The following GALNT18 variants were observed in gnomAD, a reference collection of about 807,000 sequenced individuals.
The protein encoded by GALNT18 is GalNAc-transferase 18.
GALNT18 carries 44 observed loss-of-function variants against 69.5 expected under a neutral mutation model. The observed-to-expected ratio is 0.63, with a 90% CI of 0.50 to 0.81. GALNT18 has a LOEUF of 0.81. GALNT18 is among the 40% of genes least tolerant of loss of function. The pLI, the probability that GALNT18 is intolerant of heterozygous loss-of-function variation, is 0.00. For missense variants in GALNT18, 715 were observed against 810.0 expected (o/e 0.88, Z 1.42); for synonymous variants, 364 against 318.2 (o/e 1.14, Z -1.53).
At chr11:11,391,876 T>A (rs1278311891) in intron 3 of GALNT18, among the ~76,000 whole-genome samples, 1 of 152,170 alleles carries the variant, frequency 6.6e-6, no homozygotes, top group Non-Finnish European at 1.5e-5. Flanking sequence ...ACCTAAGAGG[T>A]AAGGCCGGAG....
In GALNT18 at chr11:11,291,310, GAAGT is replaced by G. The variant is rs150698544; in HGVS notation, c.1677+1715_1677+1718del. Among the ~76,000 whole-genome samples the G allele has an allele frequency of 7.4e-3, 1,098 of 149,094 alleles. 8 individuals carry two copies. Among genetic ancestry groups the G allele is most frequent in the African/African-American group, 0.017 (720 of 41,392 alleles). Reference sequence around the variant, plus strand: ...ACTTCCGACATAGCTTCAGTGATGAGAAGTAAGAGAGAATTTGAACTATTTCATA... The same window carrying G: ...ACTTCCGACATAGCTTCAGTGATGAGAAGAGAGAATTTGAACTATTTCATA... On this transcript the variant is annotated intron_variant, in intron 10 of 10. Transcript: ENST00000227756.
intron 3 of GALNT18, among the ~76,000 whole-genome samples, chr11:11,395,308 A>G (rs1428838294): frequency 5.3e-5 from 8 of 152,222 alleles, no homozygotes; most frequent in Non-Finnish European, 1.0e-4. Context: ...GGAGCAGAGG[A>G]GCCAAGAGGA....
At position 11,270,940 on chromosome 11, in the gene GALNT18, C is replaced by T. The variant is rs1848812239; in HGVS notation, c.*204G>A. 2 of 466,112 alleles carry T rather than the reference C, an allele frequency of 4.3e-6. No individual in the cohort carries two copies. The highest frequency in any genetic ancestry group is 7.7e-6 in the Non-Finnish European group (2 of 261,392). The allele number at this position is 466,112 out of a possible 1,614,324, so 28.9% of individuals were successfully genotyped here. ...TCCATCTGTCCCCTATTTACAACTG[C>T]AAAATAGTTTGATATCATACCATCA... On this transcript the variant is annotated 3_prime_UTR_variant, in exon 11 of 11. Coordinates refer to ENST00000227756, the MANE Select transcript of GALNT18 (RefSeq NM_198516.3).
intron 1 of GALNT18, among the ~76,000 whole-genome samples, chr11:11,514,185 C>T (rs1465389305): frequency 2.6e-5 from 4 of 152,240 alleles, no homozygotes; most frequent in South Asian, 2.1e-4. Flanking sequence ...CATGAAGTCA[C>T]TTATCTAAGT....
intron 9 of GALNT18, among the ~76,000 whole-genome samples, chr11:11,307,606 G>T (rs1317809876): frequency 6.6e-6 from 1 of 152,266 alleles, no homozygotes; most frequent in East Asian, 1.9e-4. Context: ...TTCTTCAAGA[G>T]GAAAGAAGGA....
intron 9 of GALNT18, among the ~76,000 whole-genome samples, chr11:11,307,080 C>T (rs1193479987): frequency 6.6e-6 from 1 of 152,150 alleles, no homozygotes; most frequent in African/African-American, 2.4e-5. Flanking sequence ...ACTAGCTGAG[C>T]AGCAGTTGAC....
chr11:11,459,035 T>C lies in GALNT18; in HGVS notation c.236-10099A>G, dbSNP rs1416546526. ...CGGCACATCATAGCGGTACTCTTCT[T>C]ATATCCAGCAAAGCAAGATGTTATG... On this transcript the variant is annotated intron_variant, in intron 1 of 10. Coordinates refer to ENST00000227756, the MANE Select transcript of GALNT18 (RefSeq NM_198516.3). This position sits in a 1 kb window ranked among gnomAD's most constrained non-coding sequence, Gnocchi z 5.0. Among the ~76,000 whole-genome samples, 1 of 152,180 alleles carries C rather than the reference T, an allele frequency of 6.6e-6. No individual in the cohort carries two copies. Among genetic ancestry groups the C allele is most frequent in the Non-Finnish European group, 1.5e-5 (1 of 68,028 alleles).
intron 9 of GALNT18, among the ~76,000 whole-genome samples, chr11:11,312,047 C>T (rs1338286994): frequency 2.0e-5 from 3 of 152,190 alleles, no homozygotes; most frequent in African/African-American, 7.2e-5. Context: ...AGCTCTACCT[C>T]CCGGGTTCAC....
intron 3 of GALNT18, among the ~76,000 whole-genome samples, chr11:11,429,073 A>AT (rs1441821704): frequency 6.6e-6 from 1 of 152,090 alleles, no homozygotes; most frequent in African/African-American, 2.4e-5. Flanking sequence ...CCTGCTCTTT[A>AT]TCTTCATCTG....
At chr11:11,384,082 T>C (rs1853991877) in intron 3 of GALNT18, among the ~76,000 whole-genome samples, 1 of 152,138 alleles carries the variant, frequency 6.6e-6, no homozygotes, top group African/African-American at 2.4e-5. Context: ...GACTTGATCA[T>C]ACCTCAACAA....
Position 11,382,320 on chromosome 11 carries a change from TTTTCATGTTTTC to T in GALNT18, c.596-3068_596-3057del, listed in dbSNP as rs1243837208. Among the ~76,000 whole-genome samples the T allele has an allele frequency of 6.6e-6, 1 of 152,176 alleles. No individual in the cohort carries two copies. The highest frequency in any genetic ancestry group is 1.5e-5 in the Non-Finnish European group (1 of 68,028). On this transcript the variant is annotated intron_variant, in intron 3 of 10. Transcript: ENST00000227756. This position sits in a 1 kb window ranked among gnomAD's most constrained non-coding sequence, Gnocchi z 4.3. ...TGCAAAGTACCTTTACTTAATTAGG[TTTTCATGTTTTC>T]TTTCAATCTTTGTTAAGTGCCAAAG...
intron 1 of GALNT18, among the ~76,000 whole-genome samples, chr11:11,495,007 C>T (rs1856842963): frequency 6.7e-6 from 1 of 150,374 alleles, no homozygotes; most frequent in Non-Finnish European, 1.5e-5. Flanking sequence ...CTGGTTTTGC[C>T]TAGGGAAGGG....
intron 1 of GALNT18, among the ~76,000 whole-genome samples, chr11:11,521,137 C>A (rs1395853390): frequency 1.3e-5 from 2 of 151,656 alleles, no homozygotes; most frequent in African/African-American, 4.9e-5. Context: ...TTCCTTTCCA[C>A]CCAAGGCCCA....
chr11:11,529,715 G>GGA (rs373159701), intron 1 of GALNT18, among the ~76,000 whole-genome samples: 2 of 151,916 alleles, frequency 1.3e-5, no homozygotes, highest in African/African-American at 4.8e-5. Flanking sequence ...GAGGGGAGAA[G>GGA]GAGAGAGAGA....
chr11:11,271,370 G>T, intron 10 of GALNT18, 80 bp from the exon 11 acceptor site: 1 of 1,443,128 alleles, frequency 6.9e-7, no homozygotes, highest in Non-Finnish European at 9.7e-7. Flanking sequence ...CCAAGTGGCT[G>T]GTGAGGGCTG....
intron 1 of GALNT18, among the ~76,000 whole-genome samples, chr11:11,561,878 C>G (rs923333927): frequency 6.6e-6 from 1 of 152,200 alleles, no homozygotes; most frequent in African/African-American, 2.4e-5. Context: ...CACACCCTCC[C>G]ATTTCACCTC....
intron 1 of GALNT18, among the ~76,000 whole-genome samples, chr11:11,510,342 G>A (rs1023802438): frequency 1.3e-5 from 2 of 152,166 alleles, no homozygotes; most frequent in African/African-American, 4.8e-5. Context: ...TGTGAGAAGG[G>A]CAGGTCAGAA....
At chr11:11,311,188 A>G (rs918499538) in intron 9 of GALNT18, among the ~76,000 whole-genome samples, 1 of 152,188 alleles carries the variant, frequency 6.6e-6, no homozygotes, top group Non-Finnish European at 1.5e-5. Flanking sequence ...GTGATACCCT[A>G]CTAAGAAACG....
chr11:11,380,788 T>G (rs1853894548), intron 3 of GALNT18, among the ~76,000 whole-genome samples: 1 of 152,262 alleles, frequency 6.6e-6, no homozygotes, highest in African/African-American at 2.4e-5. Flanking sequence ...TTTCCACTAT[T>G]TCTTTGGAGG....
Sources: allele counts gnomAD v4.1 joint callset (sites outside exome capture counted in the v4.1 genomes callset), GRCh38; gene constraint gnomAD v4.1.1; non-coding constraint Gnocchi (gnomAD v3.1); transcripts MANE v1.5; gene names NCBI Gene and HGNC (gene_info 2026-07-23, HGNC 2026-07-21).